NCOA2: variants seen among roughly 807,000 people sequenced by gnomAD.
NCOA2 encodes nuclear receptor coactivator 2.
Under a neutral mutation model 145.1 loss-of-function variants are expected in NCOA2, and 21 were observed. The ratio of observed to expected loss-of-function variants is 0.14; its 90% CI spans 0.10 to 0.21. The LOEUF (loss-of-function observed/expected upper bound fraction) is 0.21, where lower values mean the gene tolerates loss of function less well. Ranked by LOEUF, NCOA2 falls within the 10% of genes least tolerant of loss-of-function variation. The probability of loss-of-function intolerance (pLI) is 1.00; values close to 1 mark genes in which losing one functional copy is unlikely to be tolerated. For missense variants in NCOA2, 1,472 were observed against 1,837.6 expected (o/e 0.80, Z 3.64); for synonymous variants, 619 against 637.5 (o/e 0.97, Z 0.44).
chr8:70,452,510 A>C, the NCOA2 span, among the ~76,000 whole-genome samples: 1 of 152,192 alleles, frequency 6.6e-6, no homozygotes, highest in African/African-American at 2.4e-5. Context: ...AAATCCATAC[A>C]AAACAAAAGT....
At chr8:70,225,705 A>G (rs1305152581) in intron 2 of NCOA2, among the ~76,000 whole-genome samples, 1 of 152,198 alleles carries the variant, frequency 6.6e-6, no homozygotes, top group Non-Finnish European at 1.5e-5. Context: ...GTTATCTGAG[A>G]GCTTTCTAAC....
At chr8:70,327,287 T>C (rs1328680390) in intron 1 of NCOA2, among the ~76,000 whole-genome samples, 1 of 152,206 alleles carries the variant, frequency 6.6e-6, no homozygotes, top group Non-Finnish European at 1.5e-5. Context: ...GTGTGCCTGG[T>C]AACAACATAC....
intron 1 of NCOA2, among the ~76,000 whole-genome samples, chr8:70,389,959 T>TC (rs1419283502): frequency 2.6e-5 from 4 of 151,988 alleles, no homozygotes; most frequent in African/African-American, 7.3e-5. Flanking sequence ...AGCCACCATA[T>TC]CCGGCCATTT....
chr8:70,374,680 T>G (rs948737352), intron 1 of NCOA2, among the ~76,000 whole-genome samples: 16 of 151,708 alleles, frequency 1.1e-4, no homozygotes, highest in African/African-American at 3.9e-4. Flanking sequence ...TGTGCACCTA[T>G]ACTCCCAGCT....
chr8:70,187,951 G>C (rs1816260340), intron 4 of NCOA2, among the ~76,000 whole-genome samples: 1 of 152,162 alleles, frequency 6.6e-6, no homozygotes, highest in South Asian at 2.1e-4. Context: ...CCCAGTGGCA[G>C]TTTGAAACAA....
intron 15 of NCOA2, 40 bp downstream of exon 15, chr8:70,138,163 G>T (rs763478232): frequency 6.3e-6 from 10 of 1,582,694 alleles, no homozygotes; most frequent in Non-Finnish European, 8.6e-6. Context: ...TTTCTGGACA[G>T]GTATAAAATA....
At chr8:70,258,821 T>A (rs1486293569) in intron 2 of NCOA2, among the ~76,000 whole-genome samples, 1 of 152,206 alleles carries the variant, frequency 6.6e-6, no homozygotes, top group Non-Finnish European at 1.5e-5. Flanking sequence ...GGATTAAACA[T>A]GATTATATTA....
chr8:70,204,663 T>C (rs891856490), intron 4 of NCOA2, among the ~76,000 whole-genome samples: 1 of 152,142 alleles, frequency 6.6e-6, no homozygotes, highest in African/African-American at 2.4e-5. Flanking sequence ...CAAATATTTA[T>C]TTTACATAAA....
At chr8:70,142,290 TA>T (rs1159533071) in intron 13 of NCOA2, among the ~76,000 whole-genome samples, 2 of 152,220 alleles carry the variant, frequency 1.3e-5, no homozygotes, top group Non-Finnish European at 2.9e-5. Flanking sequence ...TTAATTACGA[TA>T]AACAACTAAA....
intron 1 of NCOA2, among the ~76,000 whole-genome samples, chr8:70,308,592 G>T (rs538857746): frequency 4.6e-5 from 7 of 152,124 alleles, no homozygotes; most frequent in African/African-American, 1.7e-4. Flanking sequence ...CTATTCCATG[G>T]GGGAAATTCA....
At chr8:70,383,493 AGTTT>A (rs1179027976) in intron 1 of NCOA2, among the ~76,000 whole-genome samples, 2 of 145,498 alleles carry the variant, frequency 1.4e-5, no homozygotes, top group African/African-American at 5.6e-5. Flanking sequence ...AAATCATCCT[AGTTT>A]TTTTTGTTTT....
intron 2 of NCOA2, chr8:70,244,937 T>A (rs948638558): frequency 6.6e-6 from 1 of 152,122 alleles, no homozygotes; most frequent in Non-Finnish European, 1.5e-5. Flanking sequence ...GCACCGCACA[T>A]CCAATCCACA....
chr8:70,383,118 C>T (rs1446534838), intron 1 of NCOA2, among the ~76,000 whole-genome samples: 1 of 152,188 alleles, frequency 6.6e-6, no homozygotes, highest in Non-Finnish European at 1.5e-5. Context: ...CACACCTTTC[C>T]TTCAGATGTT....
intron 2 of NCOA2, among the ~76,000 whole-genome samples, chr8:70,230,410 C>T (rs1821032770): frequency 1.3e-5 from 2 of 152,114 alleles, no homozygotes; most frequent in Admixed American, 6.6e-5. Flanking sequence ...GATGGCTGCA[C>T]AACTTGCAAA....
intron 2 of NCOA2, among the ~76,000 whole-genome samples, chr8:70,289,966 C>G (rs1449238145): frequency 6.6e-6 from 1 of 152,082 alleles, no homozygotes; most frequent in African/African-American, 2.4e-5. Flanking sequence ...TCCTGAGTAG[C>G]TGGGACTACA....
At chr8:70,356,034 C>A (rs1809655896) in intron 1 of NCOA2, among the ~76,000 whole-genome samples, 1 of 152,104 alleles carries the variant, frequency 6.6e-6, no homozygotes, top group Non-Finnish European at 1.5e-5. Flanking sequence ...CTACTGTCTA[C>A]CCAAGGGCTA....
intron 2 of NCOA2, among the ~76,000 whole-genome samples, chr8:70,238,925 A>G (rs1451242486): frequency 6.6e-6 from 1 of 152,096 alleles, no homozygotes; most frequent in Non-Finnish European, 1.5e-5. Flanking sequence ...ATTTCCCTCC[A>G]TATCTGCAAT....
rs758069668 is a variant in NCOA2 at position 70,240,778 on chromosome 8, A to AT, written c.-19-24015dup. 6.0e-4 allele frequency among the ~76,000 whole-genome samples: 92 copies of AT among 152,316 alleles called. 2 individuals are homozygous for AT. In the Middle Eastern group the frequency reaches 0.01, roughly 17 times the overall value. On this transcript the variant is annotated intron_variant, in intron 2 of 22. Transcript: ENST00000452400. ...GTTATGTATTGATCAGATGACTAAG[A>AT]TGATGTGACCAGAGGCCTGCAGGAA...
At chr8:70,407,311 A>G (rs75163253), upstream of NCOA2, among the ~76,000 whole-genome samples, 1,067 of 152,328 alleles carry the variant, frequency 7.0e-3, 9 homozygotes, top group African/African-American at 0.025. Flanking sequence ...TAAGTCAAGC[A>G]TATTACATAA....
Sources: allele counts gnomAD v4.1 joint callset (sites outside exome capture counted in the v4.1 genomes callset), GRCh38; gene constraint gnomAD v4.1.1; transcripts MANE v1.5; gene names NCBI Gene and HGNC (gene_info 2026-07-23, HGNC 2026-07-21).